TFDP1: variants seen among roughly 807,000 people sequenced by gnomAD.
TFDP1 encodes transcription factor Dp-1, also known as DRTF1-polypeptide 1.
A neutral mutation model predicts 48.0 loss-of-function variants in TFDP1; 6 were observed. That is an observed-to-expected ratio of 0.13 (90% CI 0.07 to 0.25). The LOEUF (loss-of-function observed/expected upper bound fraction) is 0.25, where lower values mean the gene tolerates loss of function less well. Ranked by LOEUF, TFDP1 falls within the 10% of genes least tolerant of loss-of-function variation. The probability of loss-of-function intolerance (pLI) is 1.00; values close to 1 mark genes in which losing one functional copy is unlikely to be tolerated. For missense variants in TFDP1, 335 were observed against 543.0 expected (o/e 0.62, Z 3.81); for synonymous variants, 201 against 211.6 (o/e 0.95, Z 0.44).
intron 10 of TFDP1, 91 bp downstream of exon 10, chr13:113,636,791 T>C (rs1456530559): frequency 3.4e-6 from 5 of 1,453,430 alleles, no homozygotes; most frequent in Non-Finnish European, 4.6e-6. Flanking sequence ...GGGATGTGTC[T>C]TGCTGAGATC....
At position 113,584,808 on chromosome 13, in the gene TFDP1, C is replaced by CCCGCGCCTCT. The variant is rs1310031246; in HGVS notation, c.-137_-128dup. On this transcript the variant is annotated 5_prime_UTR_variant, in exon 1 of 12. Coordinates refer to ENST00000375370, the MANE Select transcript of TFDP1 (RefSeq NM_007111.5). ...CCGGGACCGCCCGGCCCGGCCCCAG[C>CCCGCGCCTCT]CCGCGCCTCTCCGCGCCGCCCCGCG... is the stretch of plus-strand genomic sequence containing the variant. 15 of 146,438 alleles carry CCCGCGCCTCT rather than the reference C, an allele frequency of 1.0e-4. No homozygotes were observed. Among genetic ancestry groups the CCCGCGCCTCT allele is most frequent in the African/African-American group, 3.7e-4 (15 of 40,898 alleles). 9.1% of individuals were successfully genotyped at this position (146,438 alleles called of 1,614,324 possible).
At chr13:113,594,463 GC>G (rs2048235879) in intron 2 of TFDP1, among the ~76,000 whole-genome samples, 3 of 150,870 alleles carry the variant, frequency 2.0e-5, no homozygotes, top group African/African-American at 7.3e-5. Flanking sequence ...TGTGCTGTGT[GC>G]TGATCCTCAG....
In TFDP1 at chr13:113,611,014, A is replaced by G; in HGVS notation, c.31A>G (p.Asn11Asp). 6.2e-7 allele frequency: 1 copy of G among 1,614,154 alleles called. No individual in the cohort carries two copies. The highest frequency in any genetic ancestry group is 2.2e-5 in the East Asian group (1 of 44,886). ...TCCGCAGGCCGGTCTAATTGAAGCC[A>G]ACGGAGAACTCAAGGTCTTCATAGA... MAKDAGLIEA[N>D]GELKVFIDQN... Residue 11 changes from asparagine (N) to aspartate (D), a missense_variant, in exon 3 of 12, where the codon AAC (asparagine) becomes GAC (aspartate). By Grantham distance (23) the Asn-to-Asp change is conservative. Around this residue, in one of 3 missense-constraint regions of TFDP1, gnomAD observed 103 missense variants for 140.4 expected, o/e 0.73. Transcript: ENST00000375370.
intron 2 of TFDP1, among the ~76,000 whole-genome samples, chr13:113,599,531 A>T (rs1433953444): frequency 1.3e-5 from 2 of 152,220 alleles, no homozygotes; most frequent in Non-Finnish European, 2.9e-5. Flanking sequence ...CTGAATGTTC[A>T]TCCTTCGAAA....
In TFDP1 at chr13:113,589,646, G is replaced by T. The variant is rs182307963; in HGVS notation, c.12+3797G>T. Among the ~76,000 whole-genome samples, 17 of 152,160 alleles carry T rather than the reference G, an allele frequency of 1.1e-4. No individual in the cohort carries two copies. In the East Asian group the frequency reaches 3.3e-3, roughly 29 times the overall value. Reference sequence around the variant, plus strand: ...CTGACCCGCAGATCTGTGGGCTCCCGTTGCAGGTACCGGTGGTGCTCGGAA... The same window carrying T: ...CTGACCCGCAGATCTGTGGGCTCCCTTTGCAGGTACCGGTGGTGCTCGGAA... On this transcript the variant is annotated intron_variant, in intron 2 of 11. Transcript: ENST00000375370.
At position 113,640,164 on chromosome 13, in the gene TFDP1, A is replaced by G. The variant is rs200282402; in HGVS notation, c.1130A>G (p.Asn377Ser). 36 of 1,612,478 alleles carry G rather than the reference A, an allele frequency of 2.2e-5. No homozygotes were observed. The Admixed American group carries it at 2.5e-4, about 11-fold the overall frequency. The change falls in exon 12 of 12, where the codon AAT becomes AGT. Residue 377 changes from asparagine to serine, a missense_variant. Physicochemically the swap from Asn to Ser is conservative, Grantham distance 46. This residue lies in a region of TFDP1 where 204 missense variants were observed against 287.1 expected (regional missense o/e 0.71). Coordinates refer to ENST00000375370, the MANE Select transcript of TFDP1 (RefSeq NM_007111.5). The stretch of plus-strand genomic sequence containing the variant: ...GATGGGATGCTGGCCACAAGCTCCA[A>G]TGGGTCTCAGTACAGCGGCTCCAGG... ...GADGMLATSS[N>S]GSQYSGSRVE...
At chr13:113,588,902 ATGG>A (rs1026927646) in intron 2 of TFDP1, among the ~76,000 whole-genome samples, 19 of 149,216 alleles carry the variant, frequency 1.3e-4, no homozygotes, top group African/African-American at 3.7e-4. Flanking sequence ...GTGAGTGGTG[ATGG>A]TGGAGTTGGT....
intron 3 of TFDP1, among the ~76,000 whole-genome samples, chr13:113,619,190 C>T (rs576967836): frequency 6.6e-5 from 10 of 152,098 alleles, no homozygotes; most frequent in African/African-American, 1.2e-4. Flanking sequence ...ACAAGAAGCC[C>T]GGCTGGGCGT....
chr13:113,633,575 T>A lies in TFDP1; in HGVS notation c.474+290T>A, dbSNP rs1387237128. On this transcript the variant is annotated intron_variant, in intron 6 of 11. Coordinates refer to ENST00000375370, the MANE Select transcript of TFDP1 (RefSeq NM_007111.5). This position sits in a 1 kb window ranked among gnomAD's most constrained non-coding sequence, Gnocchi z 4.5. The stretch of plus-strand genomic sequence containing the variant: ...TTTTCCGATCCATTTGCTGGCACGA[T>A]GCTTTGTCAACTCCAGTGAGTGAGC... 6.6e-6 allele frequency among the ~76,000 whole-genome samples: 1 copy of A among 152,220 alleles called. No individual in the cohort carries two copies. The highest frequency in any genetic ancestry group is 2.4e-5 in the African/African-American group (1 of 41,458).
At chr13:113,600,859 G>C (rs2048406146) in intron 2 of TFDP1, among the ~76,000 whole-genome samples, 1 of 148,444 alleles carries the variant, frequency 6.7e-6, no homozygotes, top group Non-Finnish European at 1.5e-5. Flanking sequence ...GACCGTGATA[G>C]AGAACTCAGG....
Position 113,633,813 on chromosome 13 carries a change from A to T in TFDP1, c.475-77A>T. The T allele has an allele frequency of 6.6e-7, 1 of 1,523,410 alleles. No individual in the cohort carries two copies. Among genetic ancestry groups the T allele is most frequent in the South Asian group, 1.3e-5 (1 of 77,390 alleles). The allele number at this position is 1,523,410 out of a possible 1,614,324, so 94.4% of individuals were successfully genotyped here. A position where few individuals can be genotyped will look rare whatever the true frequency, so the allele number is the denominator to read the frequency against. ...CGTGAGCGGGGTGCCCCTTTGAGCCAGTGCCCATGGTCTACAGTTTAAGGA... is the reference window on the plus strand; with the variant it reads ...CGTGAGCGGGGTGCCCCTTTGAGCCTGTGCCCATGGTCTACAGTTTAAGGA... On this transcript the variant is annotated intron_variant, in intron 6 of 11. Transcript: ENST00000375370. The surrounding 1 kb of genome is among the most constrained non-coding windows in gnomAD (Gnocchi z 4.5).
In TFDP1 at chr13:113,637,789, C is replaced by T. The variant is rs758243367; in HGVS notation, c.1007-29C>T. 1.9e-6 allele frequency: 3 copies of T among 1,614,246 alleles called. No individual in the cohort carries two copies. The South Asian group carries it at 3.3e-5, about 18-fold the overall frequency. ...GTCTTGTGTTGTTTCTGTTTCATGA[C>T]CATTCGCTTATTTTCTTTCCCTTTT... On this transcript the variant is annotated intron_variant, in intron 10 of 11. Transcript: ENST00000375370.
intron 10 of TFDP1, chr13:113,637,528 G>T: frequency 7.8e-7 from 1 of 1,276,238 alleles, no homozygotes; most frequent in South Asian, 1.4e-5. Flanking sequence ...TCCGTTTCAC[G>T]ATGGGTATGA....
Position 113,640,303 on chromosome 13 carries a change from G to T in TFDP1, c.*36G>T, listed in dbSNP as rs534618368. The T allele has an allele frequency of 6.3e-7, 1 of 1,584,522 alleles. No homozygotes were observed. The highest frequency in any genetic ancestry group is 1.1e-5 in the South Asian group (1 of 87,670). On this transcript the variant is annotated 3_prime_UTR_variant, in exon 12 of 12. Transcript: ENST00000375370. ...ACTTCAGATTCGGCTTCAGGAAAAC[G>T]TTTAGCGAAAAGAAACTTTTTTTTT...
chr13:113,613,935 C>T (rs560155346), intron 3 of TFDP1, among the ~76,000 whole-genome samples: 7 of 145,112 alleles, frequency 4.8e-5, no homozygotes, highest in African/African-American at 1.3e-4. Flanking sequence ...GAGTTGTGTG[C>T]GTGTGTGTGC....
chr13:113,636,783 G>A (rs1363208474), intron 10 of TFDP1, 83 bp downstream of exon 10: 29 of 1,487,012 alleles, frequency 2.0e-5, no homozygotes, highest in Non-Finnish European at 2.6e-5. Context: ...CCCGGCTCGG[G>A]ATGTGTCTTG....
At chr13:113,626,352 C>T (rs1033199538) in intron 4 of TFDP1, among the ~76,000 whole-genome samples, 1 of 152,196 alleles carries the variant, frequency 6.6e-6, no homozygotes, top group Non-Finnish European at 1.5e-5. Flanking sequence ...ATATGCATTC[C>T]TGCTATTTCC....
In TFDP1 at chr13:113,631,736, G is replaced by A; in HGVS notation, c.300G>A (p.Trp100Ter). 6.2e-7 allele frequency: 1 copy of A among 1,614,052 alleles called. No individual in the cohort carries two copies. The highest frequency in any genetic ancestry group is 1.3e-5 in the African/African-American group (1 of 75,054). The change falls in exon 5 of 12, where the codon TGG becomes TGA. Residue 100 changes from tryptophan to a stop codon, truncating the protein, a stop_gained. Coordinates refer to ENST00000375370, the MANE Select transcript of TFDP1 (RefSeq NM_007111.5). LOFTEE classifies it high-confidence loss of function. ...ACCAGCCTTCCGACTCCTCACCTTG[G>A]TCTGCCGGGTGAGCACTTCCCTCTG... The part of the protein sequence containing the change: ...SQNQPSDSSP[W>*]SAGKRNRKGE...
intron 2 of TFDP1, among the ~76,000 whole-genome samples, chr13:113,593,833 G>A (rs1233328793): frequency 6.9e-6 from 1 of 145,058 alleles, no homozygotes; most frequent in Non-Finnish European, 1.5e-5. Flanking sequence ...GATGCGTGTG[G>A]GTCCTCAGCC....
Sources: allele counts gnomAD v4.1 joint callset (sites outside exome capture counted in the v4.1 genomes callset), GRCh38; gene constraint gnomAD v4.1.1; regional missense constraint gnomAD v4.1.1; non-coding constraint Gnocchi (gnomAD v3.1); transcripts MANE v1.5; gene names NCBI Gene and HGNC (gene_info 2026-07-23, HGNC 2026-07-21).